CPA6: variants seen among roughly 807,000 people sequenced by gnomAD.
CPA6 encodes carboxypeptidase A6, also known as carboxypeptidase B.
Under a neutral mutation model 63.3 loss-of-function variants are expected in CPA6, and 58 were observed. The observed-to-expected ratio is 0.92, with a 90% confidence interval of 0.74 to 1.14. The LOEUF (loss-of-function observed/expected upper bound fraction) is 1.14, where lower values mean the gene tolerates loss of function less well. Ranked by LOEUF, CPA6 falls within the 50% of genes most tolerant of loss-of-function variation. The pLI is 0.00. For synonymous variants in CPA6, 185 were observed against 179.0 expected, an observed-to-expected ratio of 1.03 and a Z score of -0.27; for missense variants, 565 against 526.6, an observed-to-expected ratio of 1.07 and a Z score of -0.71.
chr8:67,581,876 G>T (rs189872447), intron 2 of CPA6, among the ~76,000 whole-genome samples: 1 of 152,150 alleles, frequency 6.6e-6, no homozygotes, highest in African/African-American at 2.4e-5. Context: ...GGGAAGGATC[G>T]TAAGATTGCA....
chr8:67,568,001 G>A (rs72657229), intron 2 of CPA6, among the ~76,000 whole-genome samples: 15,720 of 152,072 alleles, frequency 0.1, 899 homozygotes, highest in Middle Eastern at 0.19. Context: ...TACCTATCCT[G>A]CTGGATAGAA....
rs1440063203 is a variant in CPA6, at chr8:67,477,348, CT to C, written c.838+6419del. 2.8e-4 allele frequency among the ~76,000 whole-genome samples: 41 copies of C among 147,368 alleles called. 1 individual carries two copies. Among genetic ancestry groups the C allele is most frequent in the Admixed American group, 2.8e-3 (41 of 14,812 alleles). ...AGCATAACTAAGCATTACAGTTTAG[CT>C]CATTCATCTTCTAGTTTTAAAATTT... On this transcript the variant is annotated intron_variant, in intron 8 of 10. Transcript: ENST00000297770.
chr8:67,501,916 A>G (rs1811836852), intron 6 of CPA6, among the ~76,000 whole-genome samples: 1 of 152,210 alleles, frequency 6.6e-6, no homozygotes, highest in Non-Finnish European at 1.5e-5. Flanking sequence ...AATATTTGTA[A>G]TAGTTATAGG....
chr8:67,514,712 T>A (rs1812107597), intron 3 of CPA6, among the ~76,000 whole-genome samples: 2 of 152,242 alleles, frequency 1.3e-5, no homozygotes, highest in Admixed American at 6.5e-5. Context: ...AAATAGAGAC[T>A]TGTTAAACTA....
intron 2 of CPA6, among the ~76,000 whole-genome samples, chr8:67,572,958 A>C (rs1273681270): frequency 1.3e-5 from 2 of 152,242 alleles, no homozygotes; most frequent in Non-Finnish European, 2.9e-5. Flanking sequence ...CCTGGGATGC[A>C]AGGATGGTTC....
chr8:67,654,652 A>G (rs548732549), intron 1 of CPA6, among the ~76,000 whole-genome samples: 1 of 152,016 alleles, frequency 6.6e-6, no homozygotes, highest in Non-Finnish European at 1.5e-5. Flanking sequence ...CTTTTATAAC[A>G]TAACATGGGT....
In CPA6 at chr8:67,484,778, T is replaced by G. The variant is rs981159000; in HGVS notation, c.648A>C (p.Thr216=). Residue 216 remains threonine, a synonymous_variant, in exon 7 of 11, where the codon ACA becomes ACC. Transcript: ENST00000297770. ...TTCTCATGGCTGGGTCACTCTTATA[T>G]GTTAGAAGAGCCTAAAAGACAAAGG... ...CQWFVKEALL[T]YKSDPAMRKM... is the part of the protein sequence containing the mutation. The G allele has an allele frequency of 6.3e-7, 1 of 1,582,020 alleles. No homozygotes were observed. Among genetic ancestry groups the G allele is most frequent in the East Asian group, 2.2e-5 (1 of 44,622 alleles).
rs1222672544 is a variant in CPA6 at position 67,716,156 on chromosome 8, A to G, written c.116+29858T>C. 3.0e-4 allele frequency among the ~76,000 whole-genome samples: 11 copies of G among 36,146 alleles called. No individual in the cohort carries two copies. The South Asian group carries it at 7.9e-3, about 26-fold the overall frequency. The allele number at this position is 36,146 out of a possible 152,430, so 23.7% of individuals were successfully genotyped here. A position where few individuals can be genotyped will look rare whatever the true frequency, so the allele number is the denominator to read the frequency against. Reference sequence around the variant, plus strand: ...GCGAGAGAGTGAGCTTGTCTCAAAAAAAAAAAAAAAAAAAAAAAAAAGGAG... The same window carrying G: ...GCGAGAGAGTGAGCTTGTCTCAAAAGAAAAAAAAAAAAAAAAAAAAAGGAG... On this transcript the variant is annotated intron_variant, in intron 1 of 10. Transcript: ENST00000297770.
At chr8:67,701,638 T>C (rs1044987031) in intron 1 of CPA6, among the ~76,000 whole-genome samples, 12 of 152,210 alleles carry the variant, frequency 7.9e-5, no homozygotes, top group Admixed American at 7.9e-4. Context: ...CAGAGAACTA[T>C]AGTGAAAGGT....
intron 8 of CPA6, among the ~76,000 whole-genome samples, chr8:67,473,882 C>T (rs775430834): frequency 2.6e-5 from 4 of 151,712 alleles, no homozygotes; most frequent in Non-Finnish European, 4.4e-5. Context: ...GCTGGGATTA[C>T]GGGCTTGAGC....
chr8:67,605,080 G>GTTTTTTTTTTTTT (rs34741776), intron 2 of CPA6, among the ~76,000 whole-genome samples: 3 of 145,018 alleles, frequency 2.1e-5, no homozygotes, highest in Non-Finnish European at 3.0e-5. Context: ...GCCCAGCCAC[G>GTTTTTTTTTTTTT]TTTTTTTTTT....
intron 8 of CPA6, among the ~76,000 whole-genome samples, chr8:67,455,438 ACT>A (rs2128956248): frequency 1.3e-5 from 2 of 152,024 alleles, no homozygotes; most frequent in Non-Finnish European, 2.9e-5. Flanking sequence ...CTGATAAATA[ACT>A]CTTACTTTAC....
chr8:67,500,535 T>C (rs997472249), intron 6 of CPA6, among the ~76,000 whole-genome samples: 2 of 152,168 alleles, frequency 1.3e-5, no homozygotes, highest in Admixed American at 6.6e-5. Flanking sequence ...ATTTTGATTG[T>C]TTGATAATGT....
At chr8:67,651,141 T>C (rs952322684) in intron 1 of CPA6, among the ~76,000 whole-genome samples, 1 of 152,216 alleles carries the variant, frequency 6.6e-6, no homozygotes, top group Non-Finnish European at 1.5e-5. Flanking sequence ...ACTTAATGGC[T>C]TTGTGATTAC....
At chr8:67,500,263 A>T (rs1250698650) in intron 6 of CPA6, among the ~76,000 whole-genome samples, 1 of 152,186 alleles carries the variant, frequency 6.6e-6, no homozygotes, top group Non-Finnish European at 1.5e-5. Context: ...GTGTGCAGTG[A>T]TAGCTCACTG....
intron 8 of CPA6, among the ~76,000 whole-genome samples, chr8:67,440,746 T>C (rs1239421253): frequency 1.3e-5 from 2 of 152,012 alleles, no homozygotes; most frequent in Non-Finnish European, 2.9e-5. Flanking sequence ...TATAACAAGA[T>C]GATAAATATT....
chr8:67,726,731 T>C (rs912952775), intron 1 of CPA6, among the ~76,000 whole-genome samples: 1 of 152,052 alleles, frequency 6.6e-6, no homozygotes, highest in Non-Finnish European at 1.5e-5. Flanking sequence ...TGCAGGGAGG[T>C]TCTGGCATTA....
At chr8:67,555,705 A>G (rs1813044930) in intron 2 of CPA6, among the ~76,000 whole-genome samples, 2 of 152,122 alleles carry the variant, frequency 1.3e-5, no homozygotes, top group Admixed American at 6.6e-5. Flanking sequence ...GTGGGGCAGA[A>G]TTGCAGGACT....
At chr8:67,464,941 G>A (rs1397477989) in intron 8 of CPA6, among the ~76,000 whole-genome samples, 4 of 152,186 alleles carry the variant, frequency 2.6e-5, no homozygotes, top group Non-Finnish European at 5.9e-5. Flanking sequence ...GTCAGGTAAT[G>A]TGAAGGCTCC....
Sources: gnomAD v4.1 joint callset for allele counts (sites outside exome capture counted in the v4.1 genomes callset) on GRCh38, gnomAD v4.1.1 for gene constraint, MANE v1.5 for transcripts, NCBI Gene and HGNC (gene_info 2026-07-23, HGNC 2026-07-21) for gene names.